Variants in ASMT observed in about 807,000 individuals in gnomAD.
ASMT encodes the protein acetylserotonin N-methyltransferase.
Under a neutral mutation model 41.3 loss-of-function variants are expected in ASMT, and 53 were observed. The observed-to-expected ratio is 1.28, with a 90% CI of 1.03 to 1.61. The LOEUF (loss-of-function observed/expected upper bound fraction) is 1.61. Ranked by LOEUF, ASMT falls within the 40% of genes most tolerant of loss-of-function variation. The pLI is 0.00. For synonymous variants in ASMT, 231 were observed against 184.8 expected, an observed-to-expected ratio of 1.25 and a Z score of -2.03; for missense variants, 531 against 441.3, an observed-to-expected ratio of 1.20 and a Z score of -1.82.
intron 8 of ASMT, among the ~76,000 whole-genome samples, chrX:1,637,085 G>C (rs1569384615): frequency 1.0e-5 from 1 of 98,100 alleles, no homozygotes; most frequent in Admixed American, 1.0e-4. Context: ...CTGTGTGTGA[G>C]ATAAGGACTG....
intron 1 of ASMT, among the ~76,000 whole-genome samples, chrX:1,619,122 A>G (rs1194890544): frequency 2.6e-5 from 4 of 152,098 alleles, no homozygotes; most frequent in Admixed American, 6.6e-5. Context: ...TTGGCCAGGC[A>G]CAGTGGCTCA....
At chrX:1,616,865 C>T (rs747382531) in intron 1 of ASMT, among the ~76,000 whole-genome samples, 23 of 151,860 alleles carry the variant, frequency 1.5e-4, no homozygotes, top group East Asian at 3.9e-4. Context: ...CCCGCCACCA[C>T]GCCCGGCTAA....
intron 1 of ASMT, among the ~76,000 whole-genome samples, chrX:1,615,716 C>A (rs768095761): frequency 6.6e-6 from 1 of 151,750 alleles, no homozygotes; most frequent in South Asian, 2.1e-4. Flanking sequence ...GCAGGAGAAT[C>A]GCTTGAACCT....
Position 1,623,220 on chromosome X carries a change from G to T in ASMT, c.151G>T (p.Ala51Ser), listed in dbSNP as rs1188461668. The change falls in exon 2 of 9, where the codon GCA becomes TCA. Residue 51 changes from alanine (A) to serine (S), a missense_variant. By Grantham distance (99) the Ala-to-Ser change is moderately conservative (BLOSUM62 1). Coordinates refer to ENST00000381241, the MANE Select transcript of ASMT (RefSeq NM_001171038.2). Reference protein sequence around the residue: ...PGPLDVAAVAAGVRASAHGTE... With the variant: ...PGPLDVAAVASGVRASAHGTE... ...GCCCCTGGACGTGGCGGCAGTGGCT[G>T]CAGGTGTGAGGGCCAGCGCCCATGG... 1.2e-6 allele frequency: 2 copies of T among 1,613,566 alleles called. No homozygotes were observed. Among genetic ancestry groups the T allele is most frequent in the African/African-American group, 2.7e-5 (2 of 74,914 alleles).
rs371659811 is a variant in ASMT, at chrX:1,633,740, A to C, written c.787+450A>C. On this transcript the variant is annotated intron_variant, in intron 7 of 8. Coordinates refer to ENST00000381241, the MANE Select transcript of ASMT (RefSeq NM_001171038.2). The stretch of plus-strand genomic sequence containing the variant: ...TTCAAGCTCCGCCTCCCGGGTTCAC[A>C]CCATTCTCCTGCCTCAGCCTCCCAA... Among the ~76,000 whole-genome samples the C allele has an allele frequency of 6.0e-3, 883 of 146,846 alleles. 9 individuals carry two copies. The highest frequency in any genetic ancestry group is 0.021 in the African/African-American group (849 of 39,712).
chrX:1,631,520 A>G (rs1477034539), intron 5 of ASMT, among the ~76,000 whole-genome samples: 10 of 152,128 alleles, frequency 6.6e-5, no homozygotes. Context: ...GGCCCTTTGC[A>G]GAGTGAGGAG....
In ASMT at chrX:1,615,282, T is replaced by C. The variant is rs1279320525; in HGVS notation, c.69+14T>C. 1 of 1,582,844 alleles carries C rather than the reference T, an allele frequency of 6.3e-7. No homozygotes were observed. The highest frequency in any genetic ancestry group is 2.3e-5 in the East Asian group (1 of 43,678). ...ATGGTGTCCCAGGTAGGATACGCTC[T>C]GTGGGACAAGGGGGAATAGACTTCC... On this transcript the variant is annotated intron_variant, in intron 1 of 8. Coordinates refer to ENST00000381241, the MANE Select transcript of ASMT (RefSeq NM_001171038.2).
Position 1,615,144 on chromosome X carries a change from C to G in ASMT, c.-56C>G, listed in dbSNP as rs1934029798. The G allele has an allele frequency of 2.0e-6, 3 of 1,511,310 alleles. No individual in the cohort carries two copies. The highest frequency in any genetic ancestry group is 2.7e-6 in the Non-Finnish European group (3 of 1,108,804). 93.6% of individuals were successfully genotyped at this position (1,511,310 alleles called of 1,614,324 possible). On this transcript the variant is annotated 5_prime_UTR_variant, in exon 1 of 9. Coordinates refer to ENST00000381241, the MANE Select transcript of ASMT (RefSeq NM_001171038.2). The stretch of plus-strand genomic sequence containing the variant: ...CCCCACCTTGCCAGCAGGCTCTGTG[C>G]TCCTTGAAGCAAGCGCTCCAGAGGC...
chrX:1,615,294 G>T, intron 1 of ASMT, 26 bp downstream of exon 1: 2 of 1,568,216 alleles, frequency 1.3e-6, no homozygotes, highest in East Asian at 2.3e-5. Context: ...TGGGACAAGG[G>T]GGAATAGACT....
At chrX:1,633,920 G>C (rs1334009865) in intron 7 of ASMT, among the ~76,000 whole-genome samples, 36 of 151,324 alleles carry the variant, frequency 2.4e-4, no homozygotes, top group Admixed American at 4.6e-4. Context: ...TTACAGGTGT[G>C]AACCATCACA....
At chrX:1,635,642 A>G (rs1416195639) in intron 7 of ASMT, among the ~76,000 whole-genome samples, 1 of 151,920 alleles carries the variant, frequency 6.6e-6, no homozygotes, top group African/African-American at 2.4e-5. Context: ...CGGGCGGATC[A>G]CCTCAGGTTG....
At chrX:1,628,882 C>G (rs1417070762) in intron 4 of ASMT, among the ~76,000 whole-genome samples, 2 of 150,854 alleles carry the variant, frequency 1.3e-5, no homozygotes, top group Non-Finnish European at 2.9e-5. Flanking sequence ...TCCTTTTCTC[C>G]TCCTCTCTTC....
intron 1 of ASMT, among the ~76,000 whole-genome samples, chrX:1,618,648 G>A (rs183568684): frequency 1.3e-4 from 20 of 152,084 alleles, no homozygotes; most frequent in Non-Finnish European, 2.8e-4. Context: ...TGTTGTCCAG[G>A]CTGGTCTCGA....
chrX:1,615,614 C>T (rs1274777802), intron 1 of ASMT, among the ~76,000 whole-genome samples: 2 of 151,896 alleles, frequency 1.3e-5, no homozygotes, highest in Non-Finnish European at 2.9e-5. Flanking sequence ...ACCAGCCTGA[C>T]CCACACAGAG....
At chrX:1,633,980 C>T (rs1465255979) in intron 7 of ASMT, among the ~76,000 whole-genome samples, 2 of 151,882 alleles carry the variant, frequency 1.3e-5, no homozygotes, top group Non-Finnish European at 2.9e-5. Flanking sequence ...ACCGTGTTGA[C>T]CAGGCTGGTC....
intron 1 of ASMT, among the ~76,000 whole-genome samples, chrX:1,615,700 G>A (rs760235353): frequency 2.0e-5 from 3 of 151,970 alleles, no homozygotes; most frequent in Non-Finnish European, 4.4e-5. Flanking sequence ...TACTTGGGAG[G>A]CTGAGGCAGG....
At chrX:1,629,250 T>C (rs1934678985) in intron 4 of ASMT, among the ~76,000 whole-genome samples, 1 of 152,158 alleles carries the variant, frequency 6.6e-6, no homozygotes. Flanking sequence ...AGAGGCAATT[T>C]TTCAGCCCTC....
chrX:1,630,161 G>A (rs1189069772), intron 5 of ASMT, among the ~76,000 whole-genome samples: 1 of 152,026 alleles, frequency 6.6e-6, no homozygotes, highest in Admixed American at 6.6e-5. Flanking sequence ...TAAGATGGAA[G>A]CTTGCTCCAT....
At chrX:1,641,444 T>TGA (rs1415979925) in intron 8 of ASMT, among the ~76,000 whole-genome samples, 3 of 143,744 alleles carry the variant, frequency 2.1e-5, no homozygotes, top group Non-Finnish European at 3.0e-5. Context: ...GCTCTGTGTG[T>TGA]GATGGGGACA....
Sources: gnomAD v4.1 joint callset for allele counts (sites outside exome capture counted in the v4.1 genomes callset) on GRCh38, gnomAD v4.1.1 for gene constraint, MANE v1.5 for transcripts, NCBI Gene and HGNC (gene_info 2026-07-23, HGNC 2026-07-21) for gene names.